TBL1XR1: variants seen among roughly 807,000 people sequenced by gnomAD.
TBL1XR1 encodes the protein F-box-like/WD repeat-containing protein TBL1XR1.
TBL1XR1 carries 5 observed loss-of-function variants against 66.9 expected under a neutral mutation model. The ratio of observed to expected loss-of-function variants is 0.07; its 90% CI spans 0.04 to 0.16. The LOEUF is 0.16. Among genes scored for constraint, TBL1XR1 ranks in the 10% least tolerant of loss-of-function variants. The pLI is 1.00. For synonymous variants in TBL1XR1, 210 were observed against 206.0 expected (o/e 1.02, Z -0.17); for missense variants, 238 against 623.2 (o/e 0.38, Z 6.58).
chr3:177,074,487 G>A (rs879686756), intron 2 of TBL1XR1, among the ~76,000 whole-genome samples: 1 of 152,148 alleles, frequency 6.6e-6, no homozygotes, highest in Non-Finnish European at 1.5e-5. Context: ...GCTTTCCCTA[G>A]ATCAACCTTT....
chr3:177,150,105 C>G (rs1730708420), intron 1 of TBL1XR1, among the ~76,000 whole-genome samples: 1 of 152,100 alleles, frequency 6.6e-6, no homozygotes, highest in South Asian at 2.1e-4. Context: ...ACAAGAGTAT[C>G]AAACTAGAAT....
intron 2 of TBL1XR1, among the ~76,000 whole-genome samples, chr3:177,070,022 G>C (rs1241938793): frequency 6.6e-6 from 1 of 152,178 alleles, no homozygotes; most frequent in Non-Finnish European, 1.5e-5. Context: ...TTCACAAAAT[G>C]CTTTTTTAAA....
intron 3 of TBL1XR1, among the ~76,000 whole-genome samples, chr3:177,058,193 CTGAT>C (rs1367428388): frequency 1.3e-5 from 2 of 152,156 alleles, no homozygotes; most frequent in Non-Finnish European, 2.9e-5. Context: ...AAACGAAAAT[CTGAT>C]TGATCCAAGG....
intron 1 of TBL1XR1, among the ~76,000 whole-genome samples, chr3:177,116,554 T>C (rs1261574725): frequency 6.6e-6 from 1 of 152,230 alleles, no homozygotes; most frequent in Non-Finnish European, 1.5e-5. Flanking sequence ...CCTGTCTCCC[T>C]TCACTAGAAG....
intron 5 of TBL1XR1, 146 bp from the exon 6 acceptor site, chr3:177,050,756 C>T: frequency 3.3e-6 from 2 of 610,410 alleles, no homozygotes; most frequent in South Asian, 2.2e-5. Context: ...AACATGACTA[C>T]ACAGTCTTAG....
chr3:177,188,259 T>C (rs1295608204), intron 1 of TBL1XR1, among the ~76,000 whole-genome samples: 1 of 151,602 alleles, frequency 6.6e-6, no homozygotes, highest in Non-Finnish European at 1.5e-5. Flanking sequence ...TAAAAAAGAA[T>C]TACTGTCCAG....
In TBL1XR1 at chr3:177,087,306, C is replaced by T. The variant is rs137942452; in HGVS notation, c.-46+11160G>A. Among the ~76,000 whole-genome samples, 407 of 151,868 alleles carry T rather than the reference C, an allele frequency of 2.7e-3. 2 individuals carry two copies. Among genetic ancestry groups the T allele is most frequent in the Middle Eastern group, 6.8e-3 (2 of 292 alleles). On this transcript the variant is annotated intron_variant, in intron 2 of 15. Transcript: ENST00000457928. ...TTAAAGTACCTCTATGTAATCTGTT[C>T]TATAATCATAAGCCCTTAGGCTCTA...
At chr3:177,166,858 T>C (rs1732881618) in intron 1 of TBL1XR1, among the ~76,000 whole-genome samples, 1 of 152,080 alleles carries the variant, frequency 6.6e-6, no homozygotes, top group Non-Finnish European at 1.5e-5. Context: ...CAAATGCTGG[T>C]GAAGATGTGG....
At chr3:177,043,339 AGT>A (rs762794252) in intron 10 of TBL1XR1, among the ~76,000 whole-genome samples, 1 of 151,920 alleles carries the variant, frequency 6.6e-6, no homozygotes, top group East Asian at 1.9e-4. Flanking sequence ...GTTTTGAAAC[AGT>A]GTTATTAAAT....
chr3:177,112,107 ATTT>A lies in TBL1XR1; in HGVS notation c.-121-13569_-121-13567del, dbSNP rs71170852. 1.9e-3 allele frequency among the ~76,000 whole-genome samples: 73 copies of A among 37,610 alleles called. 2 individuals carry two copies. Among genetic ancestry groups the A allele is most frequent in the African/African-American group, 5.1e-3 (40 of 7,810 alleles). 24.7% of individuals were successfully genotyped at this position (37,610 alleles called of 152,430 possible). A position where few individuals can be genotyped will look rare whatever the true frequency, so the allele number is the denominator to read the frequency against. ...TATATATATATATATATATATATAT[ATTT>A]TTTTTTTTTTTTTTTGTGAGGGGCT... is the stretch of plus-strand genomic sequence containing the variant. On this transcript the variant is annotated intron_variant, in intron 1 of 15. Transcript: ENST00000457928.
chr3:177,168,210 C>T (rs1314107574), intron 1 of TBL1XR1, among the ~76,000 whole-genome samples: 1 of 151,520 alleles, frequency 6.6e-6, no homozygotes, highest in Non-Finnish European at 1.5e-5. Context: ...CATTTAGGTA[C>T]ACAAAATTCT....
intron 1 of TBL1XR1, among the ~76,000 whole-genome samples, chr3:177,185,639 G>A (rs1402762098): frequency 6.6e-6 from 1 of 151,272 alleles, no homozygotes; most frequent in East Asian, 1.9e-4. Flanking sequence ...CTGACCCTTT[G>A]TCTTTTCATT....
At chr3:177,080,595 TTCTGACAA>T (rs1159437145) in intron 2 of TBL1XR1, among the ~76,000 whole-genome samples, 16 of 152,212 alleles carry the variant, frequency 1.1e-4, no homozygotes, top group Non-Finnish European at 1.6e-4. Context: ...TGGCTTCTCC[TTCTGACAA>T]TAAAGCTAAC....
chr3:177,136,624 A>G (rs550979429), intron 1 of TBL1XR1, among the ~76,000 whole-genome samples: 1 of 152,324 alleles, frequency 6.6e-6, no homozygotes, highest in African/African-American at 2.4e-5. Flanking sequence ...AAAACATTGG[A>G]GTAGTAAAAA....
chr3:177,084,407 T>TATG (rs1384242756), intron 2 of TBL1XR1, among the ~76,000 whole-genome samples: 9 of 152,234 alleles, frequency 5.9e-5, no homozygotes, highest in Admixed American at 3.3e-4. Flanking sequence ...TAGAATCACA[T>TATG]ATGATGGCTT....
At chr3:177,090,053 T>C (rs533646297) in intron 2 of TBL1XR1, among the ~76,000 whole-genome samples, 4 of 152,326 alleles carry the variant, frequency 2.6e-5, no homozygotes, top group East Asian at 1.9e-4. Context: ...ATCTGGCAAA[T>C]TGACATGCAC....
chr3:177,088,367 G>C (rs1270720006), intron 2 of TBL1XR1, among the ~76,000 whole-genome samples: 2 of 152,142 alleles, frequency 1.3e-5, no homozygotes, highest in African/African-American at 4.8e-5. Context: ...ACTGCCCTCA[G>C]GCTATATATA....
chr3:177,112,084 TA>T lies in TBL1XR1; in HGVS notation c.-121-13544del, dbSNP rs1725649010. 9.6e-5 allele frequency among the ~76,000 whole-genome samples: 4 copies of T among 41,610 alleles called. 1 individual carries two copies. Among genetic ancestry groups the T allele is most frequent in the African/African-American group, 3.0e-4 (2 of 6,750 alleles). 27.3% of individuals were successfully genotyped at this position (41,610 alleles called of 152,430 possible). On this transcript the variant is annotated intron_variant, in intron 1 of 15. Coordinates refer to ENST00000457928, the MANE Select transcript of TBL1XR1 (RefSeq NM_024665.7). ...AAAGATATAAAATCAAATATATATA[TA>T]TATATATATATATATATATATATTT... is the stretch of plus-strand genomic sequence containing the variant.
At chr3:177,163,214 G>GA (rs987797464) in intron 1 of TBL1XR1, among the ~76,000 whole-genome samples, 1 of 151,582 alleles carries the variant, frequency 6.6e-6, no homozygotes, top group Non-Finnish European at 1.5e-5. Context: ...CCATTTAAAA[G>GA]AAAAAAAAGA....
Sources: allele counts gnomAD v4.1 joint callset (sites outside exome capture counted in the v4.1 genomes callset), GRCh38; gene constraint gnomAD v4.1.1; transcripts MANE v1.5; gene names NCBI Gene and HGNC (gene_info 2026-07-23, HGNC 2026-07-21).